TRIM44: variants seen among roughly 807,000 people sequenced by gnomAD.
TRIM44 encodes the protein tripartite motif-containing protein 44.
TRIM44 carries 13 observed loss-of-function variants against 37.4 expected under a neutral mutation model. The observed-to-expected ratio is 0.35, with a 90% confidence interval of 0.23 to 0.55. TRIM44 has a LOEUF of 0.55. Among genes scored for constraint, TRIM44 ranks in the 20% least tolerant of loss-of-function variants. The pLI, the probability that TRIM44 is intolerant of heterozygous loss-of-function variation, is 0.89. For missense variants in TRIM44, 426 were observed against 437.2 expected (o/e 0.97, Z 0.23); for synonymous variants, 175 against 157.2 (o/e 1.11, Z -0.85).
At chr11:35,798,003 A>G (rs1266233140) in intron 4 of TRIM44, among the ~76,000 whole-genome samples, 2 of 152,192 alleles carry the variant, frequency 1.3e-5, no homozygotes, top group African/African-American at 4.8e-5. Flanking sequence ...TCCTGATGAC[A>G]TGTCCCCAAG....
At chr11:35,805,857 A>G (rs1853440471) in intron 4 of TRIM44, among the ~76,000 whole-genome samples, 1 of 152,184 alleles carries the variant, frequency 6.6e-6, no homozygotes, top group Non-Finnish European at 1.5e-5. Flanking sequence ...GAGGTGGCAT[A>G]TGTCCCTATG....
chr11:35,803,637 C>G (rs1371231781), intron 4 of TRIM44, among the ~76,000 whole-genome samples: 2 of 152,144 alleles, frequency 1.3e-5, no homozygotes, highest in Non-Finnish European at 2.9e-5. Context: ...AGGAGAATCG[C>G]TTGAACCCGG....
chr11:35,757,447 C>T (rs1050525526), intron 4 of TRIM44, among the ~76,000 whole-genome samples: 2 of 152,076 alleles, frequency 1.3e-5, no homozygotes, highest in African/African-American at 4.8e-5. Context: ...TTTCAAAAAA[C>T]CAGCTCCTGG....
At chr11:35,770,645 T>C (rs929549442) in intron 4 of TRIM44, among the ~76,000 whole-genome samples, 2 of 152,238 alleles carry the variant, frequency 1.3e-5, no homozygotes, top group Non-Finnish European at 2.9e-5. Context: ...TGAGGATTAG[T>C]AATGTTGAAC....
chr11:35,773,377 G>A (rs1252929808), intron 4 of TRIM44, among the ~76,000 whole-genome samples: 1 of 152,008 alleles, frequency 6.6e-6, no homozygotes, highest in Non-Finnish European at 1.5e-5. Context: ...ATCGATTCCA[G>A]ATGTTAGACC....
intron 4 of TRIM44, among the ~76,000 whole-genome samples, chr11:35,793,392 G>A (rs1225445224): frequency 6.6e-6 from 1 of 152,044 alleles, no homozygotes; most frequent in Admixed American, 6.6e-5. Flanking sequence ...TGGCATGGTG[G>A]TGTGTGCCTG....
intron 2 of TRIM44, among the ~76,000 whole-genome samples, chr11:35,685,855 G>A (rs1046897907): frequency 6.6e-6 from 1 of 152,074 alleles, no homozygotes; most frequent in African/African-American, 2.4e-5. Context: ...GTAGAGACGG[G>A]GTTTCACCAT....
At chr11:35,708,296 T>C (rs1179615800) in intron 2 of TRIM44, among the ~76,000 whole-genome samples, 131 of 151,946 alleles carry the variant, frequency 8.6e-4, no homozygotes, top group African/African-American at 3.1e-3. Flanking sequence ...AGGAACACTT[T>C]TACAGTGTTG....
rs1852172295 is a variant in TRIM44, at chr11:35,726,158, G to C, written c.982G>C (p.Ala328Pro). 6.2e-7 allele frequency: 1 copy of C among 1,613,692 alleles called. No individual in the cohort carries two copies. The highest frequency in any genetic ancestry group is 1.1e-5 in the South Asian group (1 of 91,056). Residue 328 changes from alanine (A) to proline (P), a missense_variant, in exon 3 of 5, where the codon GCA becomes CCA. Physicochemically the swap from Ala to Pro is conservative, Grantham distance 27. Around this residue, in one of 2 missense-constraint regions of TRIM44, gnomAD observed 95 missense variants for 134.2 expected, o/e 0.71. Transcript: ENST00000299413. ...CTCTAATGAATCAGCTGAGCCAAAG[G>C]CAGAGGTAAAGGAAAAGCCCATAAT... is the stretch of plus-strand genomic sequence containing the variant. Reference protein sequence around the residue: ...DTSNESAEPKAEGDEEGPSGA... With the variant: ...DTSNESAEPKPEGDEEGPSGA...
intron 2 of TRIM44, among the ~76,000 whole-genome samples, chr11:35,700,403 A>G (rs1453491906): frequency 1.3e-5 from 2 of 152,242 alleles, no homozygotes; most frequent in African/African-American, 4.8e-5. Context: ...CCCTCCAAAC[A>G]AGGCAAAAAT....
intron 2 of TRIM44, among the ~76,000 whole-genome samples, chr11:35,702,731 A>G (rs184253088): frequency 1.3e-5 from 2 of 152,366 alleles, no homozygotes; most frequent in Non-Finnish European, 2.9e-5. Context: ...ATTAACAATC[A>G]AGTGTCATTA....
At chr11:35,777,003 A>G (rs1852976576) in intron 4 of TRIM44, among the ~76,000 whole-genome samples, 2 of 152,098 alleles carry the variant, frequency 1.3e-5, no homozygotes, top group Admixed American at 6.5e-5. Context: ...CAAGTCCTGG[A>G]TATCCTTGTT....
At chr11:35,706,571 A>T (rs1013100119) in intron 2 of TRIM44, among the ~76,000 whole-genome samples, 1 of 152,248 alleles carries the variant, frequency 6.6e-6, no homozygotes, top group Non-Finnish European at 1.5e-5. Flanking sequence ...ATCATGATCG[A>T]GTGGGCTTCA....
intron 1 of TRIM44, among the ~76,000 whole-genome samples, chr11:35,670,122 C>T (rs538109793): frequency 2.0e-5 from 3 of 152,168 alleles, no homozygotes; most frequent in Non-Finnish European, 4.4e-5. Context: ...CATGCCTGGC[C>T]GTCCTTTAAA....
intron 4 of TRIM44, among the ~76,000 whole-genome samples, chr11:35,764,231 A>G (rs1565008946): frequency 1.3e-5 from 2 of 152,212 alleles, no homozygotes; most frequent in Non-Finnish European, 2.9e-5. Flanking sequence ...CCAAAAAGAC[A>G]ACATGGTCTT....
intron 2 of TRIM44, among the ~76,000 whole-genome samples, chr11:35,717,678 A>G (rs2135511475): frequency 6.6e-6 from 1 of 152,294 alleles, no homozygotes; most frequent in African/African-American, 2.4e-5. Context: ...GGCGGTTACA[A>G]AACTGTGCCT....
intron 4 of TRIM44, among the ~76,000 whole-genome samples, chr11:35,805,469 AG>A (rs1413034802): frequency 1.3e-5 from 2 of 152,156 alleles, no homozygotes; most frequent in African/African-American, 2.4e-5. Flanking sequence ...TGAGCAGCTG[AG>A]GTACTAGCCA....
At chr11:35,776,064 C>G (rs780701042) in intron 4 of TRIM44, among the ~76,000 whole-genome samples, 60 of 152,120 alleles carry the variant, frequency 3.9e-4, no homozygotes, top group Non-Finnish European at 3.4e-4. Context: ...CCCTTTGTAC[C>G]TCTGGTAGAT....
chr11:35,762,049 C>T (rs1369120343), intron 4 of TRIM44, among the ~76,000 whole-genome samples: 1 of 152,146 alleles, frequency 6.6e-6, no homozygotes, highest in African/African-American at 2.4e-5. Context: ...GCAGTGGCTG[C>T]CCTTTCAGCT....
Sources: allele counts gnomAD v4.1 joint callset (sites outside exome capture counted in the v4.1 genomes callset), GRCh38; gene constraint gnomAD v4.1.1; regional missense constraint gnomAD v4.1.1; transcripts MANE v1.5; gene names NCBI Gene and HGNC (gene_info 2026-07-23, HGNC 2026-07-21).